Variants in KXD1 observed in about 807,000 individuals in gnomAD.
KXD1 encodes the protein KxDL motif containing 1.
A neutral mutation model predicts 12.1 loss-of-function variants in KXD1; 5 were observed. The ratio of observed to expected loss-of-function variants is 0.41; its 90% CI spans 0.22 to 0.87. The LOEUF is 0.87. Ranked by LOEUF, KXD1 falls within the 40% of genes least tolerant of loss-of-function variation. KXD1 has a pLI of 0.31. For missense variants in KXD1, 193 were observed against 244.9 expected (o/e 0.79, Z 1.41); for synonymous variants, 98 against 100.5 (o/e 0.98, Z 0.15).
chr19:18,560,840 G>T (rs1371330992), intron 1 of KXD1, among the ~76,000 whole-genome samples: 3 of 151,952 alleles, frequency 2.0e-5, no homozygotes, highest in Non-Finnish European at 4.4e-5. Flanking sequence ...CCGAGTAGCT[G>T]GGACTAAAGG....
At chr19:18,564,785 G>A in intron 2 of KXD1, 84 bp from the exon 3 acceptor site, 2 of 1,492,510 alleles carry the variant, frequency 1.3e-6, no homozygotes, top group East Asian at 2.3e-5. Context: ...GCAGGCAAGG[G>A]CTTGGCATGA....
At chr19:18,564,417 C>T (rs1975096683) in intron 2 of KXD1, among the ~76,000 whole-genome samples, 1 of 151,940 alleles carries the variant, frequency 6.6e-6, no homozygotes, top group Admixed American at 6.6e-5. Flanking sequence ...GTCAGGAGAT[C>T]GAGACCATCC....
At chr19:18,559,967 CTTT>C (rs1974861125) in intron 1 of KXD1, 2 of 147,564 alleles carry the variant, frequency 1.4e-5, no homozygotes, top group African/African-American at 5.0e-5. Context: ...TTCTCTCTCT[CTTT>C]CTCTCTCTCC....
intron 4 of KXD1, 107 bp downstream of exon 4, chr19:18,567,285 G>T: frequency 8.6e-7 from 1 of 1,168,614 alleles, no homozygotes. Flanking sequence ...AGGCTGTAAT[G>T]GGCAGTGGGT....
Position 18,568,547 on chromosome 19 carries a change from C to G in KXD1, c.447C>G (p.Phe149Leu). 13 of 1,613,958 alleles carry G rather than the reference C, an allele frequency of 8.1e-6. No individual in the cohort carries two copies. Among genetic ancestry groups the G allele is most frequent in the Non-Finnish European group, 1.1e-5 (13 of 1,180,034 alleles). ...DTVSPSLSPG[F>L]EDLSHVQPGS... ...TCTCGCCCTCCCTGAGCCCCGGCTT[C>G]GAGGACCTGTCCCATGTCCAGCCTG... The change falls in exon 5 of 5, where the codon TTC becomes TTG. Residue 149 changes from phenylalanine (F) to leucine (L), a missense_variant. Coordinates refer to ENST00000222307, the MANE Select transcript of KXD1 (RefSeq NM_024069.4).
intron 1 of KXD1, chr19:18,560,675 C>T (rs1974887637): frequency 6.6e-6 from 1 of 151,912 alleles, no homozygotes; most frequent in African/African-American, 2.4e-5. Context: ...GAGCCAGACT[C>T]CGGGTCGGGT....
chr19:18,563,911 T>C (rs1975061849), intron 2 of KXD1, among the ~76,000 whole-genome samples: 1 of 150,718 alleles, frequency 6.6e-6, no homozygotes. Flanking sequence ...TTTTGAGACA[T>C]AGTTTCGCAC....
intron 1 of KXD1, chr19:18,559,875 CTT>C (rs1031833338): frequency 6.6e-6 from 1 of 151,900 alleles, no homozygotes; most frequent in Non-Finnish European, 1.5e-5. Context: ...CTTTCTTTCT[CTT>C]TCCTTTCTTT....
chr19:18,566,220 G>A (rs1052271480), intron 3 of KXD1, among the ~76,000 whole-genome samples: 1 of 152,082 alleles, frequency 6.6e-6, no homozygotes, highest in African/African-American at 2.4e-5. Context: ...GGAGGCCGAG[G>A]CAGGCGGATC....
At chr19:18,567,221 T>A in intron 4 of KXD1, 43 bp downstream of exon 4, 1 of 1,604,256 alleles carries the variant, frequency 6.2e-7, no homozygotes, top group African/African-American at 1.3e-5. Context: ...ACGTCAGCAC[T>A]CTCCACCCAG....
rs2145266627 is a variant in KXD1, at chr19:18,568,664, G to A, written c.*33G>A. ...GCCCGGTGCCTTGAGGGGGTCTCAG[G>A]GCAGCAGCATACAAGGTGGCAGCGG... On this transcript the variant is annotated 3_prime_UTR_variant, in exon 5 of 5. Coordinates refer to ENST00000222307, the MANE Select transcript of KXD1 (RefSeq NM_024069.4). The A allele has an allele frequency of 1.3e-6, 2 of 1,537,812 alleles. No individual in the cohort carries two copies. The highest frequency in any genetic ancestry group is 4.5e-5 in the East Asian group (2 of 44,386).
intron 3 of KXD1, among the ~76,000 whole-genome samples, chr19:18,566,598 C>G (rs1414969885): frequency 1.3e-5 from 2 of 151,970 alleles, no homozygotes; most frequent in Non-Finnish European, 2.9e-5. Flanking sequence ...TGAGACCAGC[C>G]TGGCCAACAT....
chr19:18,564,737 C>T, intron 2 of KXD1, 132 bp from the exon 3 acceptor site: 1 of 1,010,274 alleles, frequency 9.9e-7, no homozygotes, highest in South Asian at 1.5e-5. Context: ...AGGTAGAACT[C>T]TGCAGGACAA....
chr19:18,567,258 G>A (rs1422703375), intron 4 of KXD1, 80 bp downstream of exon 4: 4 of 1,428,250 alleles, frequency 2.8e-6, no homozygotes, highest in Non-Finnish European at 3.9e-6. Flanking sequence ...GCCACCTTGG[G>A]GCCTGATACT....
Position 18,564,977 on chromosome 19 carries a change from A to T in KXD1, c.210A>T (p.Leu70=), listed in dbSNP as rs781470074. ...GCTTCCTGCACCACACGAGGACCCT[A>T]GTAGAGATGAAACGGGACCTGGACA... The part of the protein sequence containing the change: ...SERFLHHTRT[L]VEMKRDLDSI... Residue 70 remains leucine, a synonymous_variant, in exon 3 of 5, where the codon CTA becomes CTT. Transcript: ENST00000222307. The T allele has an allele frequency of 1.2e-6, 2 of 1,611,142 alleles. No individual in the cohort carries two copies. The highest frequency in any genetic ancestry group is 4.5e-5 in the East Asian group (2 of 44,884).
intron 1 of KXD1, among the ~76,000 whole-genome samples, chr19:18,561,051 G>C (rs1415713030): frequency 6.6e-6 from 1 of 152,004 alleles, no homozygotes; most frequent in Non-Finnish European, 1.5e-5. Flanking sequence ...CAGGCAAACG[G>C]GTTAGCTGAT....
chr19:18,562,429 C>T (rs544203636), intron 2 of KXD1, among the ~76,000 whole-genome samples: 1 of 152,210 alleles, frequency 6.6e-6, no homozygotes, highest in South Asian at 2.1e-4. Context: ...AGTTGAAGGA[C>T]CAGAGGGGGC....
At chr19:18,563,733 A>C (rs1975049859) in intron 2 of KXD1, among the ~76,000 whole-genome samples, 1 of 151,910 alleles carries the variant, frequency 6.6e-6, no homozygotes. Context: ...CAATCTCTTG[A>C]CTTCGTGATC....
chr19:18,560,023 G>C (rs908948732), intron 1 of KXD1: 1 of 103,846 alleles, frequency 9.6e-6, no homozygotes, highest in Non-Finnish European at 1.7e-5. Context: ...CCTTCTTTTC[G>C]AGATGGAGTC....
Sources: gnomAD v4.1 joint callset for allele counts (sites outside exome capture counted in the v4.1 genomes callset) on GRCh38, gnomAD v4.1.1 for gene constraint, MANE v1.5 for transcripts, NCBI Gene and HGNC (gene_info 2026-07-23, HGNC 2026-07-21) for gene names.